Variants in CPE observed in about 807,000 individuals in gnomAD.
The protein encoded by CPE is carboxypeptidase E, also known as carbocypeptidase E.
Under a neutral mutation model 53.5 loss-of-function variants are expected in CPE, and 17 were observed. That is an observed-to-expected ratio of 0.32 (90% CI 0.22 to 0.48). CPE has a LOEUF of 0.48. Ranked by LOEUF, CPE falls within the 20% of genes least tolerant of loss-of-function variation. The pLI is 0.99. For synonymous variants in CPE, 226 were observed against 228.8 expected (o/e 0.99, Z 0.11); for missense variants, 524 against 614.7 (o/e 0.85, Z 1.56).
intron 1 of CPE, among the ~76,000 whole-genome samples, chr4:165,412,376 A>G (rs1336518978): frequency 6.6e-6 from 1 of 152,248 alleles, no homozygotes; most frequent in Non-Finnish European, 1.5e-5. Context: ...TCAAATAAAT[A>G]CTAACATTAG....
chr4:165,388,855 A>G (rs973100765), intron 1 of CPE, among the ~76,000 whole-genome samples: 4 of 152,212 alleles, frequency 2.6e-5, no homozygotes, highest in African/African-American at 7.2e-5. Context: ...AGATCTTGAC[A>G]TTGTTCAGCA....
At position 165,385,469 on chromosome 4, in the gene CPE, G is replaced by A. The variant is rs544199189; in HGVS notation, c.307+5941G>A. Among the ~76,000 whole-genome samples the A allele has an allele frequency of 4.5e-5, 6 of 133,358 alleles. No individual in the cohort carries two copies. In the South Asian group the frequency reaches 1.2e-3, roughly 27 times the overall value. 87.5% of individuals were successfully genotyped at this position (133,358 alleles called of 152,430 possible). On this transcript the variant is annotated intron_variant, in intron 1 of 8. Coordinates refer to ENST00000402744, the MANE Select transcript of CPE (RefSeq NM_001873.4). ...TTTTTTTTTTTTTTTTTTGAGATGGGGTCTTGCTGTGTCACCCAGGCTGGA... is the reference window on the plus strand; with the variant it reads ...TTTTTTTTTTTTTTTTTTGAGATGGAGTCTTGCTGTGTCACCCAGGCTGGA...
At position 165,404,248 on chromosome 4, in the gene CPE, T is replaced by C; in HGVS notation, c.307+24720T>C. 3.9e-6 allele frequency: 3 copies of C among 765,040 alleles called. No homozygotes were observed. The South Asian group carries it at 4.1e-5, about 10-fold the overall frequency. 47.4% of individuals were successfully genotyped at this position (765,040 alleles called of 1,614,324 possible). ...GTGGGAAGCTGAGCCCGAAGACGGC[T>C]CCAATGTCTCCCTCTGCAGGTGTGG... On this transcript the variant is annotated intron_variant, in intron 1 of 8. Coordinates refer to ENST00000402744, the MANE Select transcript of CPE (RefSeq NM_001873.4).
intron 1 of CPE, among the ~76,000 whole-genome samples, chr4:165,453,038 G>A (rs1206885512): frequency 1.3e-5 from 2 of 151,086 alleles, no homozygotes; most frequent in African/African-American, 2.4e-5. Flanking sequence ...GTGCAGTGGC[G>A]CAATCTCAGC....
chr4:165,422,774 G>C (rs1242350295), intron 1 of CPE, among the ~76,000 whole-genome samples: 3 of 152,060 alleles, frequency 2.0e-5, no homozygotes, highest in Non-Finnish European at 4.4e-5. Context: ...TCAGGAGATA[G>C]AGACCATCCT....
At chr4:165,406,398 C>A in intron 1 of CPE, 2 of 384,136 alleles carry the variant, frequency 5.2e-6, no homozygotes, top group Admixed American at 3.7e-5. Flanking sequence ...TAATTTCATT[C>A]TTATCTTTTG....
chr4:165,439,281 T>C (rs1431846017), intron 1 of CPE, among the ~76,000 whole-genome samples: 4 of 134,402 alleles, frequency 3.0e-5, no homozygotes, highest in Non-Finnish European at 6.6e-5. Flanking sequence ...GGCCTTGGGT[T>C]GAGCCAACTT....
intron 3 of CPE, among the ~76,000 whole-genome samples, chr4:165,481,014 ATATTTTT>A (rs1489622470): frequency 3.8e-5 from 2 of 53,000 alleles, no homozygotes; most frequent in African/African-American, 8.5e-5. Context: ...ATATATATAT[ATATTTTT>A]TTTTTTTTTT....
At chr4:165,470,306 CT>C (rs1732183025) in intron 3 of CPE, among the ~76,000 whole-genome samples, 1 of 152,124 alleles carries the variant, frequency 6.6e-6, no homozygotes, top group Non-Finnish European at 1.5e-5. Flanking sequence ...GTCTTTTCCC[CT>C]GATTCTTCCC....
chr4:165,394,573 G>A (rs6536912), intron 1 of CPE, among the ~76,000 whole-genome samples: 25,130 of 152,036 alleles, frequency 0.17, 2,186 homozygotes, highest in African/African-American at 0.21. Context: ...AAATGGGTGA[G>A]GTTTCCTGTT....
intron 7 of CPE, among the ~76,000 whole-genome samples, chr4:165,493,487 C>G (rs185167711): frequency 2.0e-5 from 3 of 152,300 alleles, no homozygotes; most frequent in Non-Finnish European, 4.4e-5. Flanking sequence ...CCGGGTGCAG[C>G]AGATGGCGCC....
chr4:165,461,509 C>A (rs935690341), intron 1 of CPE, among the ~76,000 whole-genome samples: 5 of 151,312 alleles, frequency 3.3e-5, no homozygotes, highest in African/African-American at 1.2e-4. Context: ...AGGAGGGTTG[C>A]GTTTTAAAAA....
intron 1 of CPE, among the ~76,000 whole-genome samples, chr4:165,450,360 C>A (rs10021007): frequency 0.21 from 31,327 of 151,856 alleles, 3,426 homozygotes; most frequent in East Asian, 0.32. Flanking sequence ...AAGAAAAAAT[C>A]CTCTCAAGGT....
intron 1 of CPE, among the ~76,000 whole-genome samples, chr4:165,382,070 G>A (rs902593253): frequency 1.3e-5 from 2 of 152,236 alleles, no homozygotes; most frequent in African/African-American, 4.8e-5. Context: ...GAGGCTGCAA[G>A]ATCGGCTTTG....
chr4:165,472,003 G>A (rs1732215794), intron 3 of CPE, among the ~76,000 whole-genome samples: 1 of 152,180 alleles, frequency 6.6e-6, no homozygotes, highest in African/African-American at 2.4e-5. Context: ...CCAAATTCTG[G>A]AGAAATCAGG....
chr4:165,382,265 G>GTAGGTCAGCAGGTCA (rs1288165383), intron 1 of CPE, among the ~76,000 whole-genome samples: 28 of 152,202 alleles, frequency 1.8e-4, no homozygotes, highest in Admixed American at 5.9e-4. Context: ...ACAAAAGACA[G>GTAGGTCAGCAGGTCA]GAAATGTACA....
intron 2 of CPE, among the ~76,000 whole-genome samples, chr4:165,467,143 C>T (rs567823422): frequency 7.2e-5 from 11 of 151,988 alleles, no homozygotes; most frequent in Admixed American, 5.2e-4. Context: ...AGCAACATAG[C>T]GAGACCCTGT....
chr4:165,412,109 G>C (rs932204999), intron 1 of CPE, among the ~76,000 whole-genome samples: 3 of 152,328 alleles, frequency 2.0e-5, no homozygotes, highest in African/African-American at 7.2e-5. Context: ...GCCCCAGCCA[G>C]CCTGAAAGTT....
chr4:165,388,974 T>C (rs1730640052), intron 1 of CPE, among the ~76,000 whole-genome samples: 1 of 152,176 alleles, frequency 6.6e-6, no homozygotes, highest in African/African-American at 2.4e-5. Flanking sequence ...GGGAATTAAT[T>C]TAATGCACTT....
Sources: gnomAD v4.1 joint callset for allele counts (sites outside exome capture counted in the v4.1 genomes callset) on GRCh38, gnomAD v4.1.1 for gene constraint, MANE v1.5 for transcripts, NCBI Gene and HGNC (gene_info 2026-07-23, HGNC 2026-07-21) for gene names.